NGLY1: variants seen among roughly 807,000 people sequenced by gnomAD.
NGLY1 encodes the protein N-glycanase 1.
A neutral mutation model predicts 84.6 loss-of-function variants in NGLY1; 68 were observed. The observed-to-expected ratio is 0.80, with a 90% confidence interval of 0.66 to 0.98. The LOEUF (loss-of-function observed/expected upper bound fraction) is 0.98, where lower values mean the gene tolerates loss of function less well. NGLY1 is among the 50% of genes least tolerant of loss of function. The probability of loss-of-function intolerance (pLI) is 0.00; values close to 1 mark genes in which losing one functional copy is unlikely to be tolerated. For synonymous variants in NGLY1, 280 were observed against 275.2 expected (o/e 1.02, Z -0.17); for missense variants, 779 against 770.2 (o/e 1.01, Z -0.14).
chr3:25,768,193 T>C (rs1707705856), intron 2 of NGLY1, among the ~76,000 whole-genome samples: 1 of 145,768 alleles, frequency 6.9e-6, no homozygotes. Flanking sequence ...GAGGCCGAGG[T>C]AGGTGAATCA....
intron 6 of NGLY1, 147 bp from the exon 7 acceptor site, chr3:25,736,296 G>C (rs1169140124): frequency 2.6e-6 from 4 of 1,550,704 alleles, no homozygotes; most frequent in Non-Finnish European, 2.6e-6. Context: ...TGGCACACAG[G>C]ATTTTAGAAT....
chr3:25,748,665 A>C (rs550096049), intron 4 of NGLY1, among the ~76,000 whole-genome samples: 31 of 152,310 alleles, frequency 2.0e-4, no homozygotes, highest in African/African-American at 7.2e-4. Flanking sequence ...AATTTACACA[A>C]AGACAGTTGA....
chr3:25,784,364 C>A (rs913754412), upstream of NGLY1, among the ~76,000 whole-genome samples: 2 of 151,962 alleles, frequency 1.3e-5, no homozygotes, highest in Non-Finnish European at 2.9e-5. Flanking sequence ...ATGTCGGGGG[C>A]GGGAAGGGAA....
rs1445322083 is a variant in NGLY1 at position 25,783,225 on chromosome 3, C to G, written c.131+35G>C. 6.3e-7 allele frequency: 1 copy of G among 1,587,552 alleles called. No homozygotes were observed. The highest frequency in any genetic ancestry group is 8.6e-7 in the Non-Finnish European group (1 of 1,160,632). On this transcript the variant is annotated intron_variant, in intron 1 of 11. Transcript: ENST00000280700. The surrounding 1 kb of genome is among the most constrained non-coding windows in gnomAD (Gnocchi z 4.5). ...GAACAAGGTGCCGCGGCCCACCCAC[C>G]CCGGTACCCGCCGTCCGACCCCGTT...
exon 1 of NGLY1, chr3:25,790,035 A>AAAGCGCATGAGCGTACGTGCGAGCGC: frequency 1.2e-6 from 1 of 806,452 alleles, no homozygotes; most frequent in African/African-American, 1.7e-5. Flanking sequence ...CGTGCGTGGG[A>AAAGCGCATGAGCGTACGTGCGAGCGC]AAGCGCATGA....
intron 2 of NGLY1, among the ~76,000 whole-genome samples, chr3:25,766,129 G>C (rs1170542271): frequency 2.0e-5 from 3 of 149,456 alleles, no homozygotes; most frequent in Non-Finnish European, 3.0e-5. Flanking sequence ...GCAGTGGTGT[G>C]ATCTCGGCTC....
At chr3:25,724,531 A>C (rs1379195738) in intron 10 of NGLY1, among the ~76,000 whole-genome samples, 1 of 152,156 alleles carries the variant, frequency 6.6e-6, no homozygotes, top group African/African-American at 2.4e-5. Context: ...TTCCATGTAT[A>C]CTTCCAATTT....
chr3:25,757,258 G>A (rs916405539), intron 3 of NGLY1, among the ~76,000 whole-genome samples: 1 of 152,132 alleles, frequency 6.6e-6, no homozygotes, highest in Non-Finnish European at 1.5e-5. Flanking sequence ...TTGTTATATA[G>A]CATAGGATAT....
chr3:25,784,937 C>A (rs1039582661), upstream of NGLY1, among the ~76,000 whole-genome samples: 1 of 152,108 alleles, frequency 6.6e-6, no homozygotes, highest in African/African-American at 2.4e-5. Context: ...CAGTCTCCTT[C>A]CATACCTTAG....
At chr3:25,763,973 T>C (rs1174878317) in intron 3 of NGLY1, 93 bp downstream of exon 3, 1 of 1,478,012 alleles carries the variant, frequency 6.8e-7, no homozygotes, top group East Asian at 2.3e-5. Context: ...ATATGGGGCA[T>C]AAATTCAGGA....
rs1201248811 is a variant in NGLY1, at chr3:25,789,763, C to G, written c.5+98G>C. 26 of 1,338,426 alleles carry G rather than the reference C, an allele frequency of 1.9e-5. No homozygotes were observed. The East Asian group carries it at 6.5e-4, about 34-fold the overall frequency. 82.9% of individuals were successfully genotyped at this position (1,338,426 alleles called of 1,614,324 possible). Reference sequence around the variant, plus strand: ...ATTTCCTTAATTCTTTCTTACAATTCCAGTAGAATACGATGGTGTCCCTTC... The same window carrying G: ...ATTTCCTTAATTCTTTCTTACAATTGCAGTAGAATACGATGGTGTCCCTTC... On this transcript the variant is annotated intron_variant, in intron 1 of 11. Coordinates refer to the NGLY1 transcript ENST00000417874.
chr3:25,719,144 T>C lies in NGLY1; in HGVS notation c.*316A>G, dbSNP rs557530300. ...CTATCATAAGCCCAAGATTTTATCATAATCATGAATAGCATTTAATCATGA... is the reference window on the plus strand; with the variant it reads ...CTATCATAAGCCCAAGATTTTATCACAATCATGAATAGCATTTAATCATGA... On this transcript the variant is annotated 3_prime_UTR_variant, in exon 12 of 12. Coordinates refer to ENST00000280700, the MANE Select transcript of NGLY1 (RefSeq NM_018297.4). 5 of 179,732 alleles carry C rather than the reference T, an allele frequency of 2.8e-5. No individual in the cohort carries two copies. Among genetic ancestry groups the C allele is most frequent in the Admixed American group, 2.4e-4 (4 of 16,592 alleles). 11.1% of individuals were successfully genotyped at this position (179,732 alleles called of 1,614,324 possible).
At chr3:25,777,341 G>A (rs1708200633) in intron 2 of NGLY1, among the ~76,000 whole-genome samples, 1 of 141,994 alleles carries the variant, frequency 7.0e-6, no homozygotes, top group Non-Finnish European at 1.5e-5. Flanking sequence ...GTTGTGGTAA[G>A]CTGAGATTGC....
chr3:25,785,001 G>T (rs188350434), upstream of NGLY1, among the ~76,000 whole-genome samples: 61 of 152,248 alleles, frequency 4.0e-4, no homozygotes, highest in Non-Finnish European at 1.3e-4. Flanking sequence ...TTTAGGCTTT[G>T]TGAGCCATAA....
At chr3:25,736,738 T>A (rs967093683) in intron 6 of NGLY1, 2 of 182,706 alleles carry the variant, frequency 1.1e-5, no homozygotes, top group Non-Finnish European at 2.3e-5. Context: ...TGCTTTAAGT[T>A]TATAGTTTAC....
chr3:25,747,246 A>T (rs1256834693), intron 4 of NGLY1, among the ~76,000 whole-genome samples: 1 of 152,198 alleles, frequency 6.6e-6, no homozygotes, highest in Non-Finnish European at 1.5e-5. Flanking sequence ...TTCAGTAAGT[A>T]CCTGATAAAC....
chr3:25,720,809 T>A (rs778432530), intron 10 of NGLY1, among the ~76,000 whole-genome samples: 9 of 152,184 alleles, frequency 5.9e-5, no homozygotes, highest in Non-Finnish European at 1.3e-4. Context: ...CATACTTTTA[T>A]CTACACTCCT....
chr3:25,732,815 G>C (rs1408886631), intron 8 of NGLY1, among the ~76,000 whole-genome samples: 2 of 152,114 alleles, frequency 1.3e-5, no homozygotes. Flanking sequence ...AGAAAAGCTA[G>C]AAAAGCTAGT....
chr3:25,732,371 C>A lies in NGLY1; in HGVS notation c.1373G>T (p.Arg458Ile). 6.2e-7 allele frequency: 1 copy of A among 1,613,734 alleles called. No homozygotes were observed. The highest frequency in any genetic ancestry group is 2.2e-5 in the East Asian group (1 of 44,850). ...KTPKPGELGG[R>I]ISGSVAWRVA... is the part of the protein sequence containing the mutation. ...TCTCCAAGCCACTGACCCAGATATT[C>A]TTCCCCCAAGTTCTCCAGGTTTAGG... Residue 458 changes from arginine (R) to isoleucine (I), a missense_variant, in exon 9 of 12, where the codon AGA (arginine) becomes ATA (isoleucine). Arg to Ile is a moderately conservative substitution (Grantham distance 97). Transcript: ENST00000280700.
Sources: allele counts gnomAD v4.1 joint callset (sites outside exome capture counted in the v4.1 genomes callset), GRCh38; gene constraint gnomAD v4.1.1; non-coding constraint Gnocchi (gnomAD v3.1); transcripts MANE v1.5; gene names NCBI Gene and HGNC (gene_info 2026-07-23, HGNC 2026-07-21).